DPP8: variants seen among roughly 807,000 people sequenced by gnomAD.
DPP8 encodes the protein DPP VIII.
DPP8 carries 31 observed loss-of-function variants against 107.5 expected under a neutral mutation model. The observed-to-expected ratio is 0.29, with a 90% CI of 0.22 to 0.39. The LOEUF is 0.39. DPP8 is among the 10% of genes least tolerant of loss of function. The pLI is 1.00. For synonymous variants in DPP8, 381 were observed against 356.6 expected, an observed-to-expected ratio of 1.07 and a Z score of -0.77; for missense variants, 842 against 1,076.1, an observed-to-expected ratio of 0.78 and a Z score of 3.04.
intron 14 of DPP8, among the ~76,000 whole-genome samples, chr15:65,465,340 G>A (rs2065255506): frequency 6.7e-6 from 1 of 150,184 alleles, no homozygotes; most frequent in Admixed American, 6.7e-5. Flanking sequence ...GCTAGTTTTT[G>A]TATTTTTAGT....
chr15:65,494,678 G>T (rs918681407), intron 5 of DPP8, among the ~76,000 whole-genome samples: 1 of 120,252 alleles, frequency 8.3e-6, no homozygotes. Flanking sequence ...TGAAAAAATC[G>T]CTAGGATTTC....
chr15:65,496,291 A>AT (rs1364763134), intron 5 of DPP8, among the ~76,000 whole-genome samples: 1 of 152,088 alleles, frequency 6.6e-6, no homozygotes, highest in Non-Finnish European at 1.5e-5. Context: ...CCTGTAATTA[A>AT]TTTTAACTAA....
At chr15:65,473,841 C>T (rs1045250588) in intron 12 of DPP8, among the ~76,000 whole-genome samples, 11 of 152,106 alleles carry the variant, frequency 7.2e-5, no homozygotes, top group African/African-American at 1.7e-4. Context: ...CAGTGGCTCA[C>T]GCCTGTAATC....
intron 1 of DPP8, among the ~76,000 whole-genome samples, chr15:65,514,422 A>G (rs1182988245): frequency 6.6e-6 from 1 of 152,162 alleles, no homozygotes; most frequent in Non-Finnish European, 1.5e-5. Flanking sequence ...ATATACTATC[A>G]TATGTTGTTT....
In DPP8 at chr15:65,442,854, A is replaced by G. The variant is rs967517362; in HGVS notation, c.*4030T>C. Reference sequence around the variant, plus strand: ...AGGCTGGGAAGGTGGGAATCAAAAAAGTTTCCTTTTTCCTTTATATCTGCT... The same window carrying G: ...AGGCTGGGAAGGTGGGAATCAAAAAGGTTTCCTTTTTCCTTTATATCTGCT... On this transcript the variant is annotated 3_prime_UTR_variant, in exon 20 of 20. Coordinates refer to ENST00000300141, the MANE Select transcript of DPP8 (RefSeq NM_130434.5). 6.6e-6 allele frequency: 1 copy of G among 152,302 alleles called. No homozygotes were observed. The highest frequency in any genetic ancestry group is 2.4e-5 in the African/African-American group (1 of 41,570). The allele number at this position is 152,302 out of a possible 1,614,324, so 9.4% of individuals were successfully genotyped here.
chr15:65,497,949 G>A lies in DPP8; in HGVS notation c.630C>T (p.Asp210=). 1 of 1,611,910 alleles carries A rather than the reference G, an allele frequency of 6.2e-7. No individual in the cohort carries two copies. Among genetic ancestry groups the A allele is most frequent in the East Asian group, 2.2e-5 (1 of 44,850 alleles). The change falls in exon 5 of 20, where the codon GAC becomes GAT. Residue 210 remains aspartate (D), a synonymous_variant. Transcript: ENST00000300141. Reference sequence around the variant, plus strand: ...CGTTGCTATGTATAAAAGCAATCCAGTCTGGATCAGCAGGGCATAATTTTG... The same window carrying A: ...CGTTGCTATGTATAAAAGCAATCCAATCTGGATCAGCAGGGCATAATTTTG... The part of the protein sequence containing the change: ...MDPKLCPADP[D]WIAFIHSNDI...
chr15:65,517,302 TG>T (rs896145853), intron 1 of DPP8, 183 bp downstream of exon 1: 3 of 151,610 alleles, frequency 2.0e-5, no homozygotes, highest in Non-Finnish European at 2.9e-5. Context: ...TTCCGGCAAG[TG>T]GGGGGGAGGG....
chr15:65,462,381 C>CT (rs1450498709), intron 15 of DPP8, among the ~76,000 whole-genome samples: 2 of 152,066 alleles, frequency 1.3e-5, no homozygotes, highest in African/African-American at 4.8e-5. Context: ...AGTTATTTTA[C>CT]TTTTTTTGTG....
Position 65,477,783 on chromosome 15 carries a change from C to T in DPP8, c.1456+1097G>A, listed in dbSNP as rs146342978. 3.7e-3 allele frequency among the ~76,000 whole-genome samples: 561 copies of T among 152,106 alleles called. 9 individuals are homozygous for T. The highest frequency in any genetic ancestry group is 0.023 in the Admixed American group (349 of 15,264). On this transcript the variant is annotated intron_variant, in intron 11 of 19. Transcript: ENST00000300141. ...TCATGACCTTATGATCCGCCTGCCT[C>T]GGCCTCCCAAAGTGCTGGGATTACA...
chr15:65,464,299 C>T (rs2140464212), intron 14 of DPP8, among the ~76,000 whole-genome samples: 1 of 151,830 alleles, frequency 6.6e-6, no homozygotes, highest in South Asian at 2.1e-4. Flanking sequence ...GGAGGTGGAG[C>T]TTGCAGTGAG....
intron 3 of DPP8, among the ~76,000 whole-genome samples, chr15:65,505,481 T>C (rs1463210164): frequency 2.6e-5 from 4 of 152,326 alleles, no homozygotes; most frequent in South Asian, 4.1e-4. Flanking sequence ...ATTCCACTTT[T>C]GTATGCTTTA....
chr15:65,478,734 T>C (rs2066633295), intron 11 of DPP8, 146 bp downstream of exon 11: 1 of 572,000 alleles, frequency 1.7e-6, no homozygotes, highest in South Asian at 2.5e-5. Context: ...CACATACATG[T>C]ATTTATGTTT....
At chr15:65,454,164 A>C in intron 17 of DPP8, 99 bp downstream of exon 17, 1 of 985,028 alleles carries the variant, frequency 1.0e-6, no homozygotes, top group Non-Finnish European at 1.4e-6. Flanking sequence ...AAAATTGCCA[A>C]CTCTGTAAAC....
intron 5 of DPP8, among the ~76,000 whole-genome samples, chr15:65,492,939 T>G (rs620188): frequency 6.6e-6 from 1 of 152,074 alleles, no homozygotes; most frequent in African/African-American, 2.4e-5. Context: ...TTTTGCTTAT[T>G]TATATTTTCT....
chr15:65,493,335 G>C (rs2068236420), intron 5 of DPP8, among the ~76,000 whole-genome samples: 1 of 152,110 alleles, frequency 6.6e-6, no homozygotes, highest in Non-Finnish European at 1.5e-5. Context: ...GCCTGCCTCG[G>C]CCTCCCAAAG....
At chr15:65,483,768 A>T (rs1390372947) in intron 8 of DPP8, among the ~76,000 whole-genome samples, 5 of 152,158 alleles carry the variant, frequency 3.3e-5, no homozygotes, top group African/African-American at 7.2e-5. Flanking sequence ...CCACACAAAA[A>T]CTTGTACACA....
At chr15:65,453,899 G>A (rs556503519) in intron 17 of DPP8, among the ~76,000 whole-genome samples, 2 of 152,206 alleles carry the variant, frequency 1.3e-5, no homozygotes, top group Non-Finnish European at 2.9e-5. Flanking sequence ...CTTGAGGTCA[G>A]GAGTTTGAGA....
At chr15:65,448,846 AATATAC>A (rs1398586374) in intron 19 of DPP8, among the ~76,000 whole-genome samples, 5 of 122,446 alleles carry the variant, frequency 4.1e-5, no homozygotes, top group African/African-American at 1.5e-4. Flanking sequence ...TAATATATAA[AATATAC>A]ATATATATCT....
intron 3 of DPP8, among the ~76,000 whole-genome samples, chr15:65,503,112 T>C (rs1477274112): frequency 3.3e-5 from 5 of 152,110 alleles, no homozygotes; most frequent in African/African-American, 1.2e-4. Context: ...TTAATTATTA[T>C]TATTATTTTT....
Sources: gnomAD v4.1 joint callset for allele counts (sites outside exome capture counted in the v4.1 genomes callset) on GRCh38, gnomAD v4.1.1 for gene constraint, MANE v1.5 for transcripts, NCBI Gene and HGNC (gene_info 2026-07-23, HGNC 2026-07-21) for gene names.